KCNJ3: variants seen among roughly 807,000 people sequenced by gnomAD.
KCNJ3 encodes G protein-activated inward rectifier potassium channel 1.
A neutral mutation model predicts 39.2 loss-of-function variants in KCNJ3; 4 were observed. The observed-to-expected ratio is 0.10, with a 90% CI of 0.05 to 0.23. The LOEUF is 0.23. Ranked by LOEUF, KCNJ3 falls within the 10% of genes least tolerant of loss-of-function variation. The pLI is 1.00. For missense variants in KCNJ3, 276 were observed against 634.9 expected (o/e 0.43, Z 6.08); for synonymous variants, 230 against 237.4 (o/e 0.97, Z 0.29).
intron 2 of KCNJ3, among the ~76,000 whole-genome samples, chr2:154,836,894 C>A (rs1297026672): frequency 1.3e-5 from 2 of 152,058 alleles, no homozygotes; most frequent in African/African-American, 2.4e-5. Context: ...AAAAATAGCC[C>A]TAGTTTGTGA....
At chr2:154,770,208 C>G (rs904108200) in intron 2 of KCNJ3, among the ~76,000 whole-genome samples, 3 of 152,148 alleles carry the variant, frequency 2.0e-5, no homozygotes, top group Non-Finnish European at 4.4e-5. Context: ...TACACCTTCT[C>G]CTTAGCACAT....
At chr2:154,797,874 C>T (rs1558876672) in intron 2 of KCNJ3, among the ~76,000 whole-genome samples, 1 of 152,074 alleles carries the variant, frequency 6.6e-6, no homozygotes, top group Non-Finnish European at 1.5e-5. Flanking sequence ...ATGCTCTCAA[C>T]AGATTTTTAA....
intron 2 of KCNJ3, among the ~76,000 whole-genome samples, chr2:154,842,368 T>C (rs1391148898): frequency 6.6e-6 from 1 of 152,202 alleles, no homozygotes; most frequent in African/African-American, 2.4e-5. Context: ...AATTATGTGG[T>C]CAATTTTAGA....
intron 2 of KCNJ3, among the ~76,000 whole-genome samples, chr2:154,782,667 A>G (rs1686458474): frequency 6.6e-6 from 1 of 152,142 alleles, no homozygotes; most frequent in Admixed American, 6.5e-5. Context: ...CATGACAATA[A>G]TAAAGTGTTC....
intron 2 of KCNJ3, among the ~76,000 whole-genome samples, chr2:154,777,833 A>C (rs1357329348): frequency 6.6e-6 from 1 of 152,196 alleles, no homozygotes; most frequent in Non-Finnish European, 1.5e-5. Context: ...GGTTGGCAAA[A>C]CATACTGAGG....
intron 2 of KCNJ3, among the ~76,000 whole-genome samples, chr2:154,830,375 C>T (rs1338585517): frequency 6.6e-6 from 1 of 152,118 alleles, no homozygotes; most frequent in Admixed American, 6.6e-5. Flanking sequence ...TATATTCCAG[C>T]AGATTCTTGT....
chr2:154,714,172 A>G (rs1021061231), intron 2 of KCNJ3, among the ~76,000 whole-genome samples: 1 of 152,160 alleles, frequency 6.6e-6, no homozygotes, highest in Non-Finnish European at 1.5e-5. Flanking sequence ...CTCAAGCTCC[A>G]ATTCTTAGCA....
intron 2 of KCNJ3, among the ~76,000 whole-genome samples, chr2:154,753,062 C>G (rs756202181): frequency 1.4e-4 from 21 of 152,010 alleles, no homozygotes; most frequent in Non-Finnish European, 2.1e-4. Context: ...GTTGAAGCCT[C>G]TAATTCTCTC....
intron 2 of KCNJ3, among the ~76,000 whole-genome samples, chr2:154,742,638 C>T (rs890057309): frequency 6.6e-6 from 1 of 151,808 alleles, no homozygotes; most frequent in Non-Finnish European, 1.5e-5. Context: ...TACTGAGCAT[C>T]GTTTCATGCT....
rs1424475948 is a variant in KCNJ3, at chr2:154,848,532, ATTCTTAAAAG to A, written c.920-6191_920-6182del. 1.2e-4 allele frequency among the ~76,000 whole-genome samples: 18 copies of A among 152,234 alleles called. No homozygotes were observed. In the East Asian group the frequency reaches 2.9e-3, roughly 24 times the overall value. The stretch of plus-strand genomic sequence containing the variant: ...GGAAGATGATTCATTCATTATTTTA[ATTCTTAAAAG>A]TTCACTCATCAATTGGTTTCCCATA... On this transcript the variant is annotated intron_variant, in intron 2 of 2. Transcript: ENST00000295101.
At chr2:154,827,768 C>G (rs1293099858) in intron 2 of KCNJ3, among the ~76,000 whole-genome samples, 1 of 152,070 alleles carries the variant, frequency 6.6e-6, no homozygotes, top group African/African-American at 2.4e-5. Flanking sequence ...CTATGTTAGC[C>G]ATATTCACTG....
intron 2 of KCNJ3, among the ~76,000 whole-genome samples, chr2:154,773,816 G>T (rs571047506): frequency 1.3e-5 from 2 of 152,098 alleles, no homozygotes; most frequent in Admixed American, 1.3e-4. Flanking sequence ...TAAAAACATT[G>T]TGTAGTCATT....
At chr2:154,825,176 A>G (rs1447184241) in intron 2 of KCNJ3, among the ~76,000 whole-genome samples, 1 of 151,848 alleles carries the variant, frequency 6.6e-6, no homozygotes, top group Non-Finnish European at 1.5e-5. Flanking sequence ...CTCCCAACTT[A>G]CCCTTTTCCT....
At chr2:154,850,114 A>G (rs2105138984) in intron 2 of KCNJ3, among the ~76,000 whole-genome samples, 1 of 134,960 alleles carries the variant, frequency 7.4e-6, no homozygotes, top group African/African-American at 2.8e-5. Flanking sequence ...TTGCTTTGCC[A>G]GTTTCCACAG....
intron 2 of KCNJ3, among the ~76,000 whole-genome samples, chr2:154,813,598 A>C (rs555834463): frequency 3.9e-5 from 6 of 152,254 alleles, no homozygotes; most frequent in Middle Eastern, 3.4e-3. Flanking sequence ...ATTTGTTATT[A>C]TTTGGGATGT....
In KCNJ3 at chr2:154,806,081, A is replaced by G. The variant is rs148277182; in HGVS notation, c.920-48646A>G. Among the ~76,000 whole-genome samples, 44 of 152,324 alleles carry G rather than the reference A, an allele frequency of 2.9e-4. No individual in the cohort carries two copies. The East Asian group carries it at 8.3e-3, about 29-fold the overall frequency. On this transcript the variant is annotated intron_variant, in intron 2 of 2. Transcript: ENST00000295101. Reference sequence around the variant, plus strand: ...GAAAACGAGTGAGATGCTTAAATAGAGTACAATTATCTCATTCAAAATGTA... The same window carrying G: ...GAAAACGAGTGAGATGCTTAAATAGGGTACAATTATCTCATTCAAAATGTA...
chr2:154,787,440 G>A (rs963573084), intron 2 of KCNJ3, among the ~76,000 whole-genome samples: 9 of 152,122 alleles, frequency 5.9e-5, no homozygotes, highest in East Asian at 1.9e-4. Flanking sequence ...TTCAGAGACC[G>A]AACCCTCTTT....
Position 154,854,713 on chromosome 2 carries a change from C to A in KCNJ3, c.920-14C>A. ...CTATGCATAATTTATCAAGAATTTT[C>A]TCTTTTCTTGTAGGGATGACTTGTC... On this transcript the variant is annotated splice_polypyrimidine_tract_variant and intron_variant, in intron 2 of 2. Transcript: ENST00000295101. 6.3e-7 allele frequency: 1 copy of A among 1,581,500 alleles called. No individual in the cohort carries two copies.
intron 2 of KCNJ3, among the ~76,000 whole-genome samples, chr2:154,748,736 A>G (rs1002161689): frequency 2.0e-5 from 3 of 152,172 alleles, no homozygotes; most frequent in African/African-American, 7.2e-5. Flanking sequence ...AGAAAGAGTG[A>G]TAAAATTCAA....
Sources: gnomAD v4.1 joint callset for allele counts (sites outside exome capture counted in the v4.1 genomes callset) on GRCh38, gnomAD v4.1.1 for gene constraint, MANE v1.5 for transcripts, NCBI Gene and HGNC (gene_info 2026-07-23, HGNC 2026-07-21) for gene names.